ACOT1: variants seen among roughly 807,000 people sequenced by gnomAD.
ACOT1 encodes acyl-coenzyme A thioesterase 1.
ACOT1 carries 8 observed loss-of-function variants against 15.7 expected under a neutral mutation model. That is an observed-to-expected ratio of 0.51 (90% CI 0.30 to 0.92). The LOEUF (loss-of-function observed/expected upper bound fraction) is 0.92. Ranked by LOEUF, ACOT1 falls within the 40% of genes least tolerant of loss-of-function variation. ACOT1 has a pLI of 0.06. For synonymous variants in ACOT1, 67 were observed against 241.2 expected (o/e 0.28, Z 6.69); for missense variants, 151 against 539.4 (o/e 0.28, Z 7.13).
the ACOT1 span, chr14:73,519,100 T>C: frequency 6.2e-7 from 1 of 1,614,066 alleles, no homozygotes; most frequent in East Asian, 2.2e-5. Context: ...GTTGTACCGA[T>C]TTAGGTTTTC....
chr14:73,519,554 G>A, the ACOT1 span, among the ~76,000 whole-genome samples: 283 of 152,010 alleles, frequency 1.9e-3, 1 homozygote, highest in African/African-American at 6.3e-3. Context: ...GACCAGCCTG[G>A]GCAACACTGT....
At chr14:73,510,442 G>GT in the ACOT1 span, among the ~76,000 whole-genome samples, 29,725 of 146,700 alleles carry the variant, frequency 0.2, 3,473 homozygotes, top group African/African-American at 0.33. Context: ...TTTTGTTTTT[G>GT]TTTTTTTTTT....
At position 73,543,739 on chromosome 14, in the gene ACOT1, C is replaced by G; in HGVS notation, c.*84C>G. 4 of 753,958 alleles carry G rather than the reference C, an allele frequency of 5.3e-6. 2 individuals carry two copies. Among genetic ancestry groups the G allele is most frequent in the Non-Finnish European group, 7.1e-6 (4 of 562,628 alleles). The allele number at this position is 753,958 out of a possible 1,614,324, so 46.7% of individuals were successfully genotyped here. ...TTTAGTGTGTGTATGTGTATTCATTCTTTCTCATAACTTCTTAAAGTTTCT... is the reference window on the plus strand; with the variant it reads ...TTTAGTGTGTGTATGTGTATTCATTGTTTCTCATAACTTCTTAAAGTTTCT... On this transcript the variant is annotated 3_prime_UTR_variant, in exon 3 of 3. Transcript: ENST00000311148.
At chr14:73,507,839 C>A in the ACOT1 span, among the ~76,000 whole-genome samples, 1 of 152,264 alleles carries the variant, frequency 6.6e-6, no homozygotes, top group South Asian at 2.1e-4. Context: ...ACCTCCCAGG[C>A]TGAAGTGATT....
At chr14:73,517,865 G>A in the ACOT1 span, among the ~76,000 whole-genome samples, 108 of 152,006 alleles carry the variant, frequency 7.1e-4, 1 homozygote, top group Non-Finnish European at 1.5e-3. Flanking sequence ...GAGGTGGACA[G>A]ATCACGAGGT....
At chr14:73,491,828 C>G in the ACOT1 span, 2 of 1,606,882 alleles carry the variant, frequency 1.2e-6, no homozygotes, top group Non-Finnish European at 1.7e-6. Context: ...CATCAACGGA[C>G]GACGCGAGAC....
At chr14:73,522,087 C>T in the ACOT1 span, among the ~76,000 whole-genome samples, 11 of 152,338 alleles carry the variant, frequency 7.2e-5, no homozygotes, top group Admixed American at 7.2e-4. Context: ...TTATCCAACC[C>T]AGAATGTCAG....
chr14:73,490,993 C>A, the ACOT1 span: 1 of 1,348,168 alleles, frequency 7.4e-7, no homozygotes, highest in Middle Eastern at 2.6e-4. Context: ...GCCGGCCGGG[C>A]GGGGAAGACT....
At chr14:73,520,898 C>T in the ACOT1 span, 1 of 1,614,066 alleles carries the variant, frequency 6.2e-7, no homozygotes, top group Middle Eastern at 1.6e-4. Flanking sequence ...AGTAGGCAAA[C>T]TTTCCAGCTC....
At chr14:73,498,412 A>AT in the ACOT1 span, 7 of 1,414,456 alleles carry the variant, frequency 4.9e-6, no homozygotes, top group Non-Finnish European at 6.7e-6. Context: ...CCAGAAATAA[A>AT]TTGAGTTTTG....
At chr14:73,511,633 G>A in the ACOT1 span, among the ~76,000 whole-genome samples, 1 of 152,196 alleles carries the variant, frequency 6.6e-6, no homozygotes, top group Non-Finnish European at 1.5e-5. Context: ...CCAGCAGTTT[G>A]GGAGGTTAAG....
At chr14:73,504,464 G>A in the ACOT1 span, among the ~76,000 whole-genome samples, 3 of 151,980 alleles carry the variant, frequency 2.0e-5, no homozygotes, top group African/African-American at 4.8e-5. Flanking sequence ...GGATGGTCTC[G>A]ATCTCCTGAC....
At chr14:73,522,881 T>C in the ACOT1 span, 1 of 1,614,184 alleles carries the variant, frequency 6.2e-7, no homozygotes, top group Non-Finnish European at 8.5e-7. Context: ...GTCAAAGCTG[T>C]ACTGGCTATA....
Position 73,543,446 on chromosome 14 carries a change from A to T in ACOT1, c.1057A>T (p.Ile353Phe), listed in dbSNP as rs1212821607. ...CCATGGGAGGAGAAAGCCCCAGATCATCTGTTACCCAGAGACAGGGCACTA... is the reference window on the plus strand; with the variant it reads ...CCATGGGAGGAGAAAGCCCCAGATCTTCTGTTACCCAGAGACAGGGCACTA... ...QAHGRRKPQI[I>F]CYPETGHYIE... The change falls in exon 3 of 3, where the codon ATC becomes TTC. Residue 353 changes from isoleucine (I) to phenylalanine (F), a missense_variant. Transcript: ENST00000311148. 2 of 983,886 alleles carry T rather than the reference A, an allele frequency of 2.0e-6. No homozygotes were observed. Among genetic ancestry groups the T allele is most frequent in the Admixed American group, 5.1e-5 (2 of 38,918 alleles). 60.9% of individuals were successfully genotyped at this position (983,886 alleles called of 1,614,324 possible). A position where few individuals can be genotyped will look rare whatever the true frequency, so the allele number is the denominator to read the frequency against.
the ACOT1 span, chr14:73,502,964 T>A: frequency 1.9e-6 from 3 of 1,614,120 alleles, no homozygotes; most frequent in Middle Eastern, 1.6e-4. Context: ...TCTCCTCACT[T>A]CCTTATTCCA....
chr14:73,527,554 G>GAA, the ACOT1 span, among the ~76,000 whole-genome samples: 6 of 151,474 alleles, frequency 4.0e-5, no homozygotes, highest in Admixed American at 1.3e-4. Context: ...CTTCGCAAAA[G>GAA]AAAAAAAATC....
At chr14:73,511,717 A>G in the ACOT1 span, among the ~76,000 whole-genome samples, 4 of 152,070 alleles carry the variant, frequency 2.6e-5, no homozygotes, top group Non-Finnish European at 4.4e-5. Flanking sequence ...TCTACCAAAA[A>G]CAAAAACAAA....
the ACOT1 span, chr14:73,492,372 G>C: frequency 6.2e-7 from 1 of 1,613,908 alleles, no homozygotes; most frequent in Non-Finnish European, 8.5e-7. This position sits in a 1 kb window ranked among gnomAD's most constrained non-coding sequence, Gnocchi z 4.9. Flanking sequence ...GAGTTTCGGA[G>C]GGGTCTGCCC....
At chr14:73,501,799 G>C in the ACOT1 span, among the ~76,000 whole-genome samples, 1 of 151,518 alleles carries the variant, frequency 6.6e-6, no homozygotes, top group Admixed American at 6.6e-5. Context: ...TGTCGCCCAG[G>C]CTGGAGTACA....
Sources: allele counts gnomAD v4.1 joint callset (sites outside exome capture counted in the v4.1 genomes callset), GRCh38; gene constraint gnomAD v4.1.1; non-coding constraint Gnocchi (gnomAD v3.1); transcripts MANE v1.5; gene names NCBI Gene and HGNC (gene_info 2026-07-23, HGNC 2026-07-21).